NRXN3: variants seen among roughly 807,000 people sequenced by gnomAD.
NRXN3 encodes the protein neurexin 3, also known as neurexin III.
NRXN3 carries 32 observed loss-of-function variants against 137.6 expected under a neutral mutation model. The ratio of observed to expected loss-of-function variants is 0.23; its 90% CI spans 0.18 to 0.31. The LOEUF is 0.31. Ranked by LOEUF, NRXN3 falls within the 10% of genes least tolerant of loss-of-function variation. NRXN3 has a pLI of 1.00. For synonymous variants in NRXN3, 798 were observed against 784.5 expected (o/e 1.02, Z -0.29); for missense variants, 1,574 against 2,062.5 (o/e 0.76, Z 4.59).
chr14:79,032,450 C>T (rs1194215434), intron 15 of NRXN3, among the ~76,000 whole-genome samples: 1 of 152,122 alleles, frequency 6.6e-6, no homozygotes, highest in Non-Finnish European at 1.5e-5. Context: ...AATGTTTCTA[C>T]CATAAACAGA....
intron 15 of NRXN3, among the ~76,000 whole-genome samples, chr14:79,365,752 A>AAAAAAAAAAAAC (rs2093868224): frequency 6.7e-6 from 1 of 149,122 alleles, no homozygotes; most frequent in Non-Finnish European, 1.5e-5. Flanking sequence ...AAAGAAAAAA[A>AAAAAAAAAAAAC]AGAAGAGTTT....
intron 16 of NRXN3, among the ~76,000 whole-genome samples, chr14:79,518,148 A>G (rs1260611196): frequency 2.6e-5 from 4 of 151,284 alleles, no homozygotes; most frequent in Admixed American, 1.3e-4. Flanking sequence ...CATGTGATCC[A>G]CCCGCTTCAG....
chr14:78,179,048 T>TCTGGC (rs2059535629), intron 1 of NRXN3, among the ~76,000 whole-genome samples: 2 of 152,250 alleles, frequency 1.3e-5, no homozygotes, highest in African/African-American at 4.8e-5. Flanking sequence ...GGGTGCTGGT[T>TCTGGC]CTGGCCTGGA....
At chr14:79,273,389 C>T (rs1422549368) in intron 15 of NRXN3, among the ~76,000 whole-genome samples, 1 of 151,454 alleles carries the variant, frequency 6.6e-6, no homozygotes, top group African/African-American at 2.4e-5. Context: ...AATCCCAGCA[C>T]TTTGGGAGGC....
At chr14:78,236,675 T>C (rs1009298977) in intron 1 of NRXN3, among the ~76,000 whole-genome samples, 1 of 152,182 alleles carries the variant, frequency 6.6e-6, no homozygotes, top group African/African-American at 2.4e-5. Flanking sequence ...GTTACATTTT[T>C]ATAAATTTTT....
intron 15 of NRXN3, among the ~76,000 whole-genome samples, chr14:79,049,056 AAAAAAAAAAAAAAAAAAATAAT>A (rs1316954036): frequency 3.0e-4 from 17 of 56,354 alleles, no homozygotes; most frequent in African/African-American, 6.4e-4. Flanking sequence ...AAAAAAAAAA[AAAAAAAAAAAAAAAAAAATAAT>A]AATAATAATA....
At chr14:79,354,236 C>CA (rs1043158559) in intron 15 of NRXN3, among the ~76,000 whole-genome samples, 1 of 152,026 alleles carries the variant, frequency 6.6e-6, no homozygotes, top group African/African-American at 2.4e-5. Context: ...TTCAAAGGAA[C>CA]AAACTATAAA....
chr14:79,154,555 A>T (rs1055842467), intron 15 of NRXN3, among the ~76,000 whole-genome samples: 1 of 151,850 alleles, frequency 6.6e-6, no homozygotes, highest in African/African-American at 2.4e-5. Context: ...TGGTAAGCTT[A>T]TTCACACATT....
chr14:79,391,764 C>G (rs1381176918), intron 15 of NRXN3, among the ~76,000 whole-genome samples: 1 of 152,222 alleles, frequency 6.6e-6, no homozygotes, highest in African/African-American at 2.4e-5. Flanking sequence ...CGTCTAATAA[C>G]TTGCCATGAA....
At chr14:78,197,409 C>T (rs913789156) in intron 1 of NRXN3, among the ~76,000 whole-genome samples, 4 of 152,210 alleles carry the variant, frequency 2.6e-5, no homozygotes, top group Admixed American at 2.0e-4. Flanking sequence ...TGGGCCATGG[C>T]TCCTGTGACT....
rs539908154 is a variant in NRXN3 at position 79,314,742 on chromosome 14, A to G, written c.3263-152479A>G. 7.1e-3 allele frequency among the ~76,000 whole-genome samples: 1,043 copies of G among 147,024 alleles called. 11 individuals carry two copies. The highest frequency in any genetic ancestry group is 0.025 in the African/African-American group (976 of 39,458). ...TGAGGACGGGCAGACTGCCTCCTCA[A>G]GTGGGTCCCTGACCCCTGACCCCCA... On this transcript the variant is annotated intron_variant, in intron 15 of 20. Transcript: ENST00000335750.
intron 16 of NRXN3, among the ~76,000 whole-genome samples, chr14:79,617,318 AGT>A (rs1439764752): frequency 2.0e-5 from 3 of 151,344 alleles, no homozygotes; most frequent in African/African-American, 7.2e-5. Flanking sequence ...GCTTTTCAAA[AGT>A]GTGCATCCCC....
intron 4 of NRXN3, among the ~76,000 whole-genome samples, chr14:78,366,570 G>T (rs1278686362): frequency 6.6e-6 from 1 of 152,114 alleles, no homozygotes; most frequent in Non-Finnish European, 1.5e-5. Flanking sequence ...ATATCCATAA[G>T]ACTGGGAAGA....
At position 78,912,984 on chromosome 14, in the gene NRXN3, C is replaced by A. The variant is rs1353502232; in HGVS notation, c.2276-44258C>A. ...TCCTTCAACAAATATTTATTCAGCCCCTACTATGCCCTAGATACCTAAGCT... is the reference window on the plus strand; with the variant it reads ...TCCTTCAACAAATATTTATTCAGCCACTACTATGCCCTAGATACCTAAGCT... On this transcript the variant is annotated intron_variant, in intron 10 of 20. Transcript: ENST00000335750. Among the ~76,000 whole-genome samples the A allele has an allele frequency of 2.6e-5, 4 of 151,924 alleles. No individual in the cohort carries two copies. The South Asian group carries it at 8.3e-4, about 32-fold the overall frequency.
chr14:79,591,507 C>T (rs2097803113), intron 16 of NRXN3, among the ~76,000 whole-genome samples: 1 of 152,140 alleles, frequency 6.6e-6, no homozygotes, highest in African/African-American at 2.4e-5. Context: ...TAAGTTAAAA[C>T]AAATCTGCAA....
intron 15 of NRXN3, among the ~76,000 whole-genome samples, chr14:79,456,103 T>G (rs1002930554): frequency 4.6e-5 from 7 of 152,210 alleles, no homozygotes; most frequent in African/African-American, 1.7e-4. Context: ...AGATTGTATG[T>G]ATAAAGAGTA....
At chr14:79,110,319 G>A (rs1348601995) in intron 15 of NRXN3, among the ~76,000 whole-genome samples, 1 of 152,196 alleles carries the variant, frequency 6.6e-6, no homozygotes, top group Non-Finnish European at 1.5e-5. Flanking sequence ...GTGAACTGAT[G>A]GTGTGGGCCA....
chr14:79,718,107 C>T (rs868584722), intron 19 of NRXN3, among the ~76,000 whole-genome samples: 12 of 152,062 alleles, frequency 7.9e-5, no homozygotes, highest in African/African-American at 1.9e-4. Context: ...AATAAACCTG[C>T]GCAATGTCAC....
intron 16 of NRXN3, among the ~76,000 whole-genome samples, chr14:79,542,471 C>T (rs1232469563): frequency 3.3e-5 from 5 of 152,176 alleles, no homozygotes; most frequent in African/African-American, 9.7e-5. Context: ...TTCTGACCCA[C>T]ATGTTGGGCC....
Sources: gnomAD v4.1 joint callset for allele counts (sites outside exome capture counted in the v4.1 genomes callset) on GRCh38, gnomAD v4.1.1 for gene constraint, MANE v1.5 for transcripts, NCBI Gene and HGNC (gene_info 2026-07-23, HGNC 2026-07-21) for gene names.